KHDRBS2: variants seen among roughly 807,000 people sequenced by gnomAD.
KHDRBS2 encodes KH domain-containing, RNA-binding, signal transduction-associated protein 2.
KHDRBS2 carries 26 observed loss-of-function variants against 44.3 expected under a neutral mutation model. The ratio of observed to expected loss-of-function variants is 0.59; its 90% CI spans 0.43 to 0.81. The LOEUF is 0.81. KHDRBS2 is among the 40% of genes least tolerant of loss of function. The pLI, the probability that KHDRBS2 is intolerant of heterozygous loss-of-function variation, is 0.00. For synonymous variants in KHDRBS2, 194 were observed against 151.1 expected (o/e 1.28, Z -2.08); for missense variants, 476 against 433.1 (o/e 1.10, Z -0.88).
chr6:61,749,776 G>C (rs573816171), intron 6 of KHDRBS2, among the ~76,000 whole-genome samples: 6 of 152,190 alleles, frequency 3.9e-5, no homozygotes, highest in African/African-American at 1.2e-4. Flanking sequence ...CAATATCTAA[G>C]AGCAATCAGC....
intron 4 of KHDRBS2, among the ~76,000 whole-genome samples, chr6:61,941,158 G>A (rs6901766): frequency 0.39 from 59,671 of 151,954 alleles, 11,875 homozygotes; most frequent in Admixed American, 0.47. Flanking sequence ...TTGCCGAGCT[G>A]AGTCAATAAT....
chr6:61,621,893 G>A, the KHDRBS2 span, among the ~76,000 whole-genome samples: 8 of 152,330 alleles, frequency 5.3e-5, no homozygotes, highest in East Asian at 1.5e-3. Context: ...GATCCCATGA[G>A]AAGGTATTTA....
chr6:61,665,416 G>C, the KHDRBS2 span, among the ~76,000 whole-genome samples: 12 of 151,364 alleles, frequency 7.9e-5, no homozygotes, highest in Non-Finnish European at 1.5e-4. Context: ...AAAAACCAGG[G>C]AGAAGAAAGA....
chr6:61,870,624 T>C (rs1248586464), intron 6 of KHDRBS2, among the ~76,000 whole-genome samples: 1 of 151,976 alleles, frequency 6.6e-6, no homozygotes, highest in African/African-American at 2.4e-5. Context: ...GTACAGGAGA[T>C]CTCTGGCGGG....
intron 1 of KHDRBS2, among the ~76,000 whole-genome samples, chr6:62,276,758 ATCT>A (rs1841000655): frequency 6.6e-6 from 1 of 152,214 alleles, no homozygotes; most frequent in South Asian, 2.1e-4. Flanking sequence ...AACAACATTG[ATCT>A]TCTAGATAAA....
chr6:61,839,340 AC>A (rs1298537814), intron 6 of KHDRBS2, among the ~76,000 whole-genome samples: 4 of 151,888 alleles, frequency 2.6e-5, no homozygotes, highest in African/African-American at 4.8e-5. Context: ...TCCATTAAAT[AC>A]TCTGTGCCTT....
chr6:61,740,294 T>A (rs905840910), intron 6 of KHDRBS2, among the ~76,000 whole-genome samples: 7 of 151,962 alleles, frequency 4.6e-5, no homozygotes, highest in Non-Finnish European at 1.0e-4. Context: ...ATTATGAAAC[T>A]AAATTGTGTT....
intron 6 of KHDRBS2, among the ~76,000 whole-genome samples, chr6:61,807,999 C>CT (rs1787442504): frequency 6.6e-6 from 1 of 151,978 alleles, no homozygotes; most frequent in Non-Finnish European, 1.5e-5. Context: ...AAATTAAATA[C>CT]TTTTTCAGTC....
At chr6:61,752,720 G>A (rs188550008) in intron 6 of KHDRBS2, among the ~76,000 whole-genome samples, 178 of 148,896 alleles carry the variant, frequency 1.2e-3, no homozygotes, top group Non-Finnish European at 1.9e-3. Context: ...GCTCATTGAG[G>A]TCATATTCTA....
intron 1 of KHDRBS2, among the ~76,000 whole-genome samples, chr6:62,231,098 T>C (rs932403098): frequency 6.6e-6 from 1 of 152,228 alleles, no homozygotes; most frequent in East Asian, 1.9e-4. Context: ...TTTCATTTAA[T>C]ATAATATTAG....
At chr6:62,246,136 A>ATATATATATATATAT (rs1563129377) in intron 1 of KHDRBS2, among the ~76,000 whole-genome samples, 13 of 139,092 alleles carry the variant, frequency 9.3e-5, no homozygotes, top group African/African-American at 2.4e-4. Flanking sequence ...ATATATATAT[A>ATATATATATATATAT]ATCAATGTTA....
the KHDRBS2 span, among the ~76,000 whole-genome samples, chr6:61,627,170 G>T: frequency 2.0e-5 from 3 of 148,792 alleles, no homozygotes; most frequent in Non-Finnish European, 3.0e-5. Context: ...GGAGAATGGC[G>T]TGAACCTGGG....
At chr6:62,111,851 C>T (rs182595917) in intron 2 of KHDRBS2, among the ~76,000 whole-genome samples, 84 of 152,048 alleles carry the variant, frequency 5.5e-4, no homozygotes, top group African/African-American at 2.0e-3. Flanking sequence ...CATTGAACTC[C>T]CGCCTAGGTG....
chr6:62,119,353 C>T (rs1034846789), intron 2 of KHDRBS2, among the ~76,000 whole-genome samples: 36 of 152,236 alleles, frequency 2.4e-4, no homozygotes, highest in Admixed American at 2.0e-4. Context: ...CTCTTAAGTT[C>T]GCTGGACAAA....
At chr6:62,032,385 A>G (rs1037689050) in intron 3 of KHDRBS2, among the ~76,000 whole-genome samples, 8 of 151,920 alleles carry the variant, frequency 5.3e-5, no homozygotes, top group Non-Finnish European at 4.4e-5. Context: ...CCCATGCTGG[A>G]TGCTTCCTGC....
intron 3 of KHDRBS2, among the ~76,000 whole-genome samples, chr6:62,029,592 C>G (rs1783974703): frequency 6.6e-6 from 1 of 151,782 alleles, no homozygotes; most frequent in African/African-American, 2.4e-5. Context: ...ATTAATAATC[C>G]AAGCATATTT....
intron 3 of KHDRBS2, among the ~76,000 whole-genome samples, chr6:61,983,200 T>TTTTCTTTCTTTTCTTTCTTTCTTTC (rs553232983): frequency 0.028 from 1,268 of 45,466 alleles, 136 homozygotes; most frequent in Middle Eastern, 0.043. Flanking sequence ...GTTTTTTTCA[T>TTTTCTTTCTTTTCTTTCTTTCTTTC]TTTCTTTCTT....
intron 4 of KHDRBS2, among the ~76,000 whole-genome samples, chr6:61,974,261 A>G (rs1772023035): frequency 6.6e-6 from 1 of 152,116 alleles, no homozygotes; most frequent in African/African-American, 2.4e-5. Context: ...TTCACAAACT[A>G]TGGTGTAAAT....
intron 2 of KHDRBS2, among the ~76,000 whole-genome samples, chr6:62,143,905 C>T (rs1813385206): frequency 6.6e-6 from 1 of 151,692 alleles, no homozygotes; most frequent in African/African-American, 2.4e-5. Flanking sequence ...GAAATTTATG[C>T]TTTTTTAAGA....
Sources: allele counts gnomAD v4.1 joint callset (sites outside exome capture counted in the v4.1 genomes callset), GRCh38; gene constraint gnomAD v4.1.1; transcripts MANE v1.5; gene names NCBI Gene and HGNC (gene_info 2026-07-23, HGNC 2026-07-21).